PDE10A: variants seen among roughly 807,000 people sequenced by gnomAD.
PDE10A encodes cAMP and cAMP-inhibited cGMP 3',5'-cyclic phosphodiesterase 10A.
In PDE10A, 39 loss-of-function variants were observed where a neutral mutation model predicts 97.7. That is an observed-to-expected ratio of 0.40 (90% CI 0.31 to 0.52). The LOEUF is 0.52. PDE10A is among the 20% of genes least tolerant of loss of function. PDE10A has a pLI of 0.56. For synonymous variants in PDE10A, 371 were observed against 376.8 expected (o/e 0.98, Z 0.18); for missense variants, 731 against 1,047.8 (o/e 0.70, Z 4.17).
At chr6:165,377,830 A>G (rs2128206175) in intron 18 of PDE10A, among the ~76,000 whole-genome samples, 1 of 152,316 alleles carries the variant, frequency 6.6e-6, no homozygotes, top group South Asian at 2.1e-4. Context: ...CACACTTCTC[A>G]TGTGGGCTGA....
intron 1 of PDE10A, among the ~76,000 whole-genome samples, chr6:165,555,094 C>G (rs138512376): frequency 6.6e-6 from 1 of 152,048 alleles, no homozygotes; most frequent in African/African-American, 2.4e-5. Flanking sequence ...GTGAATAAGA[C>G]CTACTGTTTG....
chr6:165,527,855 G>C (rs1224174597), intron 2 of PDE10A, among the ~76,000 whole-genome samples: 2 of 152,288 alleles, frequency 1.3e-5, no homozygotes, highest in African/African-American at 4.8e-5. Flanking sequence ...AGTTCCCTAT[G>C]ATCAGTTGAC....
intron 1 of PDE10A, chr6:165,939,931 C>A (rs1783454723): frequency 6.6e-6 from 1 of 152,250 alleles, no homozygotes; most frequent in Non-Finnish European, 1.5e-5. Context: ...GCAATGGAAG[C>A]GTTCTTTGCA....
chr6:165,696,404 G>A (rs182374556), intron 1 of PDE10A, among the ~76,000 whole-genome samples: 37 of 152,282 alleles, frequency 2.4e-4, no homozygotes, highest in Non-Finnish European at 2.4e-4. Flanking sequence ...TCCTGCCCAG[G>A]ATGTGAATCA....
intron 1 of PDE10A, among the ~76,000 whole-genome samples, chr6:165,796,091 C>CTTTTTTTTTTTTT (rs1168771487): frequency 1.0e-4 from 11 of 108,818 alleles, no homozygotes; most frequent in East Asian, 2.8e-4. Context: ...TTTTTCTTTT[C>CTTTTTTTTTTTTT]TTTTTTTTTT....
intron 1 of PDE10A, among the ~76,000 whole-genome samples, chr6:165,917,476 G>C (rs1391547756): frequency 6.6e-6 from 1 of 152,154 alleles, no homozygotes; most frequent in African/African-American, 2.4e-5. Flanking sequence ...GTGCACTCCA[G>C]GCACCCCGAA....
intron 1 of PDE10A, among the ~76,000 whole-genome samples, chr6:165,833,213 G>T (rs1445919200): frequency 1.3e-5 from 2 of 152,188 alleles, no homozygotes; most frequent in African/African-American, 4.8e-5. Flanking sequence ...AAATACAGGA[G>T]GTTTTTTTCT....
At chr6:165,966,908 T>C (rs533308163) in intron 1 of PDE10A, among the ~76,000 whole-genome samples, 1 of 152,286 alleles carries the variant, frequency 6.6e-6, no homozygotes, top group South Asian at 2.1e-4. Flanking sequence ...TGAAAAAATC[T>C]ACACAAAGGA....
At chr6:165,342,916 C>A (rs1309626609) in intron 19 of PDE10A, among the ~76,000 whole-genome samples, 1 of 152,198 alleles carries the variant, frequency 6.6e-6, no homozygotes, top group Admixed American at 6.5e-5. Context: ...TCCACACATT[C>A]TGCAGAACAC....
chr6:165,731,474 G>A (rs1248370071), intron 1 of PDE10A, among the ~76,000 whole-genome samples: 2 of 152,176 alleles, frequency 1.3e-5, no homozygotes, highest in Non-Finnish European at 2.9e-5. Context: ...AGAAAGGCCC[G>A]AGCTGCCGGC....
chr6:165,520,837 C>A (rs1160960025), intron 2 of PDE10A, among the ~76,000 whole-genome samples: 1 of 152,128 alleles, frequency 6.6e-6, no homozygotes, highest in African/African-American at 2.4e-5. Context: ...ATTACATCCC[C>A]AGAAACAGAC....
Position 165,969,559 on chromosome 6 carries a change from C to T in PDE10A, c.-615+17970G>A, listed in dbSNP as rs981318771. ...CCTGGTTTTGACTATATTAGGCTGGCGCAAAAGTAATTGCGGTTTTTGCCA... is the reference window on the plus strand; with the variant it reads ...CCTGGTTTTGACTATATTAGGCTGGTGCAAAAGTAATTGCGGTTTTTGCCA... On this transcript the variant is annotated intron_variant, in intron 1 of 19. Transcript: ENST00000366882. 3.3e-5 allele frequency among the ~76,000 whole-genome samples: 5 copies of T among 151,926 alleles called. No homozygotes were observed. The East Asian group carries it at 5.8e-4, about 18-fold the overall frequency.
chr6:165,574,657 A>G (rs1308905160), intron 1 of PDE10A, among the ~76,000 whole-genome samples: 1 of 151,140 alleles, frequency 6.6e-6, no homozygotes, highest in South Asian at 2.1e-4. Context: ...TAACAAAAAT[A>G]AGAGTTTTAC....
chr6:165,840,930 A>G (rs948076795), intron 1 of PDE10A, among the ~76,000 whole-genome samples: 1 of 152,208 alleles, frequency 6.6e-6, no homozygotes, highest in Non-Finnish European at 1.5e-5. Flanking sequence ...CATTTTGGGG[A>G]TGGCCCTTCT....
chr6:165,973,105 T>C (rs768051748), intron 1 of PDE10A, among the ~76,000 whole-genome samples: 24 of 152,144 alleles, frequency 1.6e-4, no homozygotes, highest in Non-Finnish European at 3.4e-4. Flanking sequence ...TTCAAAAAAA[T>C]ACTGGTTGAG....
intron 1 of PDE10A, among the ~76,000 whole-genome samples, chr6:165,836,991 T>C (rs546595016): frequency 1.4e-5 from 2 of 140,214 alleles, no homozygotes; most frequent in South Asian, 2.2e-4. Flanking sequence ...CAGGTGGGAA[T>C]TGAACAATGA....
At chr6:165,515,679 A>G (rs1335579776) in intron 2 of PDE10A, among the ~76,000 whole-genome samples, 4 of 151,950 alleles carry the variant, frequency 2.6e-5, no homozygotes, top group Non-Finnish European at 5.9e-5. Context: ...ATGCGCCATC[A>G]TGCTTGGCTA....
At chr6:165,542,591 G>A (rs1195422317) in intron 2 of PDE10A, among the ~76,000 whole-genome samples, 2 of 145,360 alleles carry the variant, frequency 1.4e-5, no homozygotes, top group Admixed American at 6.9e-5. Context: ...TGAGTGTTTA[G>A]GTCAAAAAGA....
intron 1 of PDE10A, among the ~76,000 whole-genome samples, chr6:165,544,207 T>A (rs567843690): frequency 1.3e-5 from 2 of 152,320 alleles, no homozygotes; most frequent in South Asian, 4.1e-4. Flanking sequence ...ACAACACAAA[T>A]CCTTCCTTTT....
Sources: allele counts gnomAD v4.1 joint callset (sites outside exome capture counted in the v4.1 genomes callset), GRCh38; gene constraint gnomAD v4.1.1; transcripts MANE v1.5; gene names NCBI Gene and HGNC (gene_info 2026-07-23, HGNC 2026-07-21).